Variants in RASAL2 observed in about 807,000 individuals in gnomAD.
RASAL2 encodes ras GTPase-activating protein nGAP.
RASAL2 carries 58 observed loss-of-function variants against 128.9 expected under a neutral mutation model. That is an observed-to-expected ratio of 0.45 (90% CI 0.36 to 0.56). The LOEUF is 0.56. Ranked by LOEUF, RASAL2 falls within the 20% of genes least tolerant of loss-of-function variation. RASAL2 has a pLI of 0.00. For synonymous variants in RASAL2, 561 were observed against 580.8 expected, an observed-to-expected ratio of 0.97 and a Z score of 0.49; for missense variants, 1,360 against 1,601.6, an observed-to-expected ratio of 0.85 and a Z score of 2.57.
chr1:178,357,596 A>G (rs1160839939), intron 3 of RASAL2, among the ~76,000 whole-genome samples: 3 of 152,162 alleles, frequency 2.0e-5, no homozygotes, highest in Admixed American at 1.3e-4. Context: ...GAATGGTAGT[A>G]TCAAGTCCCT....
intron 3 of RASAL2, among the ~76,000 whole-genome samples, chr1:178,333,417 C>T (rs1669436736): frequency 6.6e-6 from 1 of 152,126 alleles, no homozygotes; most frequent in Non-Finnish European, 1.5e-5. Context: ...AGCTATTTTT[C>T]ACCTATTTTT....
intron 3 of RASAL2, among the ~76,000 whole-genome samples, chr1:178,326,975 A>G (rs1020479944): frequency 8.5e-5 from 13 of 152,208 alleles, no homozygotes; most frequent in Admixed American, 5.2e-4. Flanking sequence ...CATTATCCCT[A>G]TGGTTTAAAC....
chr1:178,097,228 A>G (rs755654720), intron 1 of RASAL2, among the ~76,000 whole-genome samples: 1 of 152,204 alleles, frequency 6.6e-6, no homozygotes, highest in Non-Finnish European at 1.5e-5. Context: ...AATTCTGGGC[A>G]GGTAGTTTTA....
chr1:178,306,742 GTTGT>G (rs1018941898), intron 3 of RASAL2, among the ~76,000 whole-genome samples: 203 of 151,722 alleles, frequency 1.3e-3, no homozygotes, highest in African/African-American at 4.7e-3. Context: ...TTTTGATGGG[GTTGT>G]TTGTTTTCTT....
intron 1 of RASAL2, among the ~76,000 whole-genome samples, chr1:178,107,825 A>G (rs1170669294): frequency 6.6e-6 from 1 of 152,202 alleles, no homozygotes; most frequent in Non-Finnish European, 1.5e-5. Context: ...ATTCCATTGT[A>G]TGTATAAACT....
intron 1 of RASAL2, among the ~76,000 whole-genome samples, chr1:178,189,822 A>G (rs1028064107): frequency 1.3e-5 from 2 of 152,158 alleles, no homozygotes; most frequent in African/African-American, 4.8e-5. Context: ...TTTGCAATGT[A>G]TATTTACAGC....
intron 1 of RASAL2, chr1:178,123,134 A>G (rs1301631219): frequency 6.6e-6 from 1 of 152,176 alleles, no homozygotes; most frequent in African/African-American, 2.4e-5. Context: ...TCTCTCACCA[A>G]TCAGAATATC....
intron 1 of RASAL2, among the ~76,000 whole-genome samples, chr1:178,183,100 G>C (rs1356179465): frequency 6.6e-6 from 1 of 152,228 alleles, no homozygotes; most frequent in East Asian, 1.9e-4. Context: ...GGCCCTAACA[G>C]GCCATGGACT....
chr1:178,296,174 T>C lies in RASAL2; in HGVS notation c.331-3818T>C, dbSNP rs535893305. ...ATGTGTATATATATGTGTGTGTGTG[T>C]GCATATATATATATATAAATATGTG... On this transcript the variant is annotated intron_variant, in intron 2 of 17. Coordinates refer to ENST00000367649, the MANE Select transcript of RASAL2 (RefSeq NM_170692.4). Among the ~76,000 whole-genome samples the C allele has an allele frequency of 9.1e-4, 138 of 151,912 alleles. 1 individual carries two copies. The highest frequency in any genetic ancestry group is 3.2e-3 in the African/African-American group (133 of 41,362).
intron 3 of RASAL2, among the ~76,000 whole-genome samples, chr1:178,360,056 G>A (rs1475750689): frequency 6.6e-6 from 1 of 152,136 alleles, no homozygotes; most frequent in African/African-American, 2.4e-5. Flanking sequence ...CTGCTAGAAA[G>A]CTGATCTCTA....
chr1:178,215,421 G>C (rs139594919), intron 1 of RASAL2, among the ~76,000 whole-genome samples: 149 of 152,348 alleles, frequency 9.8e-4, no homozygotes, highest in African/African-American at 3.0e-3. Context: ...AGTCCTAGGG[G>C]ATGGAAGAAC....
At chr1:178,137,137 C>T (rs1012320146) in intron 1 of RASAL2, among the ~76,000 whole-genome samples, 2 of 152,234 alleles carry the variant, frequency 1.3e-5, no homozygotes, top group South Asian at 2.1e-4. Context: ...AGTTAACTTC[C>T]GTGGAGGAAT....
chr1:178,177,977 A>C (rs948749644), intron 1 of RASAL2, among the ~76,000 whole-genome samples: 3 of 152,206 alleles, frequency 2.0e-5, no homozygotes, highest in Admixed American at 1.3e-4. Flanking sequence ...TTGAATCTCC[A>C]TATTGTAGGG....
At chr1:178,450,918 A>T (rs561768265) in intron 9 of RASAL2, among the ~76,000 whole-genome samples, 1 of 152,330 alleles carries the variant, frequency 6.6e-6, no homozygotes, top group Admixed American at 6.5e-5. Flanking sequence ...ATACTAGAGG[A>T]TAAACAGGTA....
At chr1:178,189,199 A>G (rs1662406771) in intron 1 of RASAL2, among the ~76,000 whole-genome samples, 1 of 152,206 alleles carries the variant, frequency 6.6e-6, no homozygotes, top group African/African-American at 2.4e-5. Context: ...ACCTTCAGCA[A>G]TAGCATAATT....
At position 178,237,512 on chromosome 1, in the gene RASAL2, C is replaced by T. The variant is rs1664307324; in HGVS notation, c.203-46052C>T. On this transcript the variant is annotated intron_variant, in intron 1 of 17. Coordinates refer to ENST00000367649, the MANE Select transcript of RASAL2 (RefSeq NM_170692.4). ...ACACATCTGGACATCTTATTCCAGT[C>T]TAACCAGTGTCTGTTAACAGAGCCA... Among the ~76,000 whole-genome samples, 3 of 152,154 alleles carry T rather than the reference C, an allele frequency of 2.0e-5. No homozygotes were observed. The South Asian group carries it at 6.2e-4, about 32-fold the overall frequency.
At chr1:178,396,634 T>C (rs569501047) in intron 4 of RASAL2, among the ~76,000 whole-genome samples, 1 of 152,226 alleles carries the variant, frequency 6.6e-6, no homozygotes, top group South Asian at 2.1e-4. Context: ...ATAATACCCT[T>C]GGTGTGCCTT....
At chr1:178,282,302 A>G (rs894705319) in intron 1 of RASAL2, among the ~76,000 whole-genome samples, 2 of 152,178 alleles carry the variant, frequency 1.3e-5, no homozygotes, top group Non-Finnish European at 2.9e-5. Flanking sequence ...AGGAAGTTAA[A>G]CCAGAAGAAA....
At chr1:178,199,981 T>C (rs1234099956) in intron 1 of RASAL2, among the ~76,000 whole-genome samples, 1 of 152,222 alleles carries the variant, frequency 6.6e-6, no homozygotes, top group African/African-American at 2.4e-5. Context: ...GGATGCTTCC[T>C]GCCCTGAACA....
Sources: allele counts gnomAD v4.1 joint callset (sites outside exome capture counted in the v4.1 genomes callset), GRCh38; gene constraint gnomAD v4.1.1; transcripts MANE v1.5; gene names NCBI Gene and HGNC (gene_info 2026-07-23, HGNC 2026-07-21).